The following CNOT2 variants were observed in gnomAD, a reference collection of about 807,000 sequenced individuals.
The protein encoded by CNOT2 is CC chemokine receptor 4-negative regulator of transcription 2.
Under a neutral mutation model 72.1 loss-of-function variants are expected in CNOT2, and 7 were observed. The ratio of observed to expected loss-of-function variants is 0.10; its 90% CI spans 0.06 to 0.18. The LOEUF (loss-of-function observed/expected upper bound fraction) is 0.18, where lower values mean the gene tolerates loss of function less well. Among genes scored for constraint, CNOT2 ranks in the 10% least tolerant of loss-of-function variants. The pLI, the probability that CNOT2 is intolerant of heterozygous loss-of-function variation, is 1.00. For missense variants in CNOT2, 345 were observed against 660.3 expected (o/e 0.52, Z 5.23); for synonymous variants, 196 against 225.6 (o/e 0.87, Z 1.17).
At chr12:70,325,207 T>A (rs1432660941) in intron 4 of CNOT2, among the ~76,000 whole-genome samples, 1 of 151,874 alleles carries the variant, frequency 6.6e-6, no homozygotes, top group Non-Finnish European at 1.5e-5. Flanking sequence ...AAATCAGATA[T>A]GTAGTGTGTA....
chr12:70,283,646 T>C (rs1385874793), intron 2 of CNOT2, among the ~76,000 whole-genome samples: 1 of 115,096 alleles, frequency 8.7e-6, no homozygotes, highest in African/African-American at 3.3e-5. Context: ...AAGAATGAGT[T>C]TAAAAAAAAA....
intron 2 of CNOT2, among the ~76,000 whole-genome samples, chr12:70,302,110 T>G (rs570771391): frequency 6.6e-6 from 1 of 152,312 alleles, no homozygotes; most frequent in South Asian, 2.1e-4. Flanking sequence ...TCTTCTCTCT[T>G]CTTTATTAAT....
chr12:70,326,439 G>A lies in CNOT2; in HGVS notation c.239-2984G>A, dbSNP rs143955746. 5.5e-4 allele frequency among the ~76,000 whole-genome samples: 81 copies of A among 148,622 alleles called. 2 individuals are homozygous for A. In the East Asian group the frequency reaches 0.014, roughly 26 times the overall value. ...TTTTATGCCAAGAAAAACTCCTTGA[G>A]TTCTTCCCATTTTTCTTTTTTTTTC... On this transcript the variant is annotated intron_variant, in intron 4 of 15. Coordinates refer to ENST00000229195, the MANE Select transcript of CNOT2 (RefSeq NM_014515.7).
intron 1 of CNOT2, among the ~76,000 whole-genome samples, chr12:70,277,800 A>G (rs1397963640): frequency 2.6e-5 from 4 of 152,120 alleles, no homozygotes; most frequent in Admixed American, 2.6e-4. Context: ...GATTCATGTA[A>G]AAGAAAAAAA....
At chr12:70,283,848 A>G (rs964780645) in intron 2 of CNOT2, among the ~76,000 whole-genome samples, 16 of 151,752 alleles carry the variant, frequency 1.1e-4, no homozygotes, top group African/African-American at 3.6e-4. Context: ...TGCTCTTATA[A>G]TTACATTTTT....
At chr12:70,346,942 C>T (rs973383898) in intron 15 of CNOT2, among the ~76,000 whole-genome samples, 15 of 141,866 alleles carry the variant, frequency 1.1e-4, no homozygotes, top group African/African-American at 3.8e-4. Context: ...TATTTCATAC[C>T]TGCATTTAGT....
intron 1 of CNOT2, among the ~76,000 whole-genome samples, chr12:70,269,047 A>G (rs1724619176): frequency 6.6e-6 from 1 of 152,110 alleles, no homozygotes; most frequent in Non-Finnish European, 1.5e-5. Flanking sequence ...TCTTTCCCTA[A>G]TAACTTTTTG....
At chr12:70,308,642 A>G (rs1261457608) in intron 2 of CNOT2, among the ~76,000 whole-genome samples, 1 of 151,754 alleles carries the variant, frequency 6.6e-6, no homozygotes, top group Non-Finnish European at 1.5e-5. Flanking sequence ...TTGATGGAAA[A>G]GGAACATTTC....
At chr12:70,244,302 G>A (rs1044552798) in intron 1 of CNOT2, 2 of 152,184 alleles carry the variant, frequency 1.3e-5, no homozygotes, top group African/African-American at 4.8e-5. Context: ...TTCCGCAGGG[G>A]CCTCTCCACC....
intron 2 of CNOT2, among the ~76,000 whole-genome samples, chr12:70,308,513 C>T (rs1330191248): frequency 6.6e-6 from 1 of 151,090 alleles, no homozygotes; most frequent in Non-Finnish European, 1.5e-5. Context: ...ATTTCTGTGC[C>T]AGAGCACACA....
intron 11 of CNOT2, among the ~76,000 whole-genome samples, chr12:70,339,710 T>C (rs1881235246): frequency 1.3e-5 from 2 of 152,210 alleles, no homozygotes; most frequent in Admixed American, 6.5e-5. Flanking sequence ...TGCTCTCTTA[T>C]GCAACTATCG....
chr12:70,262,743 G>A (rs1958837898), intron 1 of CNOT2, among the ~76,000 whole-genome samples: 2 of 150,870 alleles, frequency 1.3e-5, no homozygotes, highest in South Asian at 4.2e-4. Flanking sequence ...GTGTGATCTC[G>A]GCTCACCGCA....
At chr12:70,276,120 A>T (rs1868747693) in intron 1 of CNOT2, among the ~76,000 whole-genome samples, 1 of 152,006 alleles carries the variant, frequency 6.6e-6, no homozygotes, top group Non-Finnish European at 1.5e-5. Context: ...TTTTCCCTTT[A>T]TACAAAAATC....
intron 2 of CNOT2, among the ~76,000 whole-genome samples, chr12:70,287,888 A>C (rs1871171344): frequency 6.7e-6 from 1 of 149,576 alleles, no homozygotes; most frequent in African/African-American, 2.4e-5. Context: ...GTAGAAGGGG[A>C]CATTTCTCCC....
chr12:70,278,581 A>C (rs537117481), intron 2 of CNOT2: 5 of 287,340 alleles, frequency 1.7e-5, no homozygotes, highest in Non-Finnish European at 3.3e-5. Flanking sequence ...TAAAAACAAA[A>C]GTGTTGATTG....
At chr12:70,303,773 G>T (rs899376078) in intron 2 of CNOT2, among the ~76,000 whole-genome samples, 1 of 152,180 alleles carries the variant, frequency 6.6e-6, no homozygotes, top group Non-Finnish European at 1.5e-5. Flanking sequence ...TGCCTTGCCA[G>T]ACTGGGGAAG....
At chr12:70,288,710 A>AT (rs1871341505) in intron 2 of CNOT2, among the ~76,000 whole-genome samples, 1 of 152,118 alleles carries the variant, frequency 6.6e-6, no homozygotes, top group Non-Finnish European at 1.5e-5. Context: ...TAAAGTTAGT[A>AT]TTTTATGGAG....
At chr12:70,319,502 A>AT in intron 4 of CNOT2, 138 bp downstream of exon 4, 1 of 788,158 alleles carries the variant, frequency 1.3e-6, no homozygotes, top group East Asian at 2.7e-5. Flanking sequence ...TCAGAGTTTT[A>AT]TTTTACTTAC....
upstream of CNOT2, chr12:70,243,049 G>A (rs78129473): frequency 0.1 from 15,775 of 152,554 alleles, 1,084 homozygotes; most frequent in Middle Eastern, 0.2. Context: ...GGGGAGGGCG[G>A]ACTGAAGCCA....
Sources: allele counts gnomAD v4.1 joint callset (sites outside exome capture counted in the v4.1 genomes callset), GRCh38; gene constraint gnomAD v4.1.1; transcripts MANE v1.5; gene names NCBI Gene and HGNC (gene_info 2026-07-23, HGNC 2026-07-21).